C6orf132: variants seen among roughly 807,000 people sequenced by gnomAD.
C6orf132 encodes uncharacterized protein C6orf132.
C6orf132 carries 43 observed loss-of-function variants against 65.3 expected under a neutral mutation model. That is an observed-to-expected ratio of 0.66 (90% CI 0.52 to 0.85). C6orf132 has a LOEUF of 0.85. Ranked by LOEUF, C6orf132 falls within the 40% of genes least tolerant of loss-of-function variation. The probability of loss-of-function intolerance (pLI) is 0.00; values close to 1 mark genes in which losing one functional copy is unlikely to be tolerated. For missense variants in C6orf132, 1,488 were observed against 1,548.8 expected (o/e 0.96, Z 0.66); for synonymous variants, 631 against 654.1 (o/e 0.96, Z 0.54).
In C6orf132 at chr6:42,133,392, C is replaced by T. The variant is rs140031322; in HGVS notation, c.146-4614G>A. Among the ~76,000 whole-genome samples, 465 of 152,316 alleles carry T rather than the reference C, an allele frequency of 3.1e-3. 6 individuals are homozygous for T. Among genetic ancestry groups the T allele is most frequent in the African/African-American group, 0.01 (425 of 41,560 alleles). On this transcript the variant is annotated intron_variant, in intron 1 of 4. Transcript: ENST00000341865. ...TCTGGCTTTTTCTGGAAAAGTCCTT[C>T]GGGATCTCAGAGGTTTTATGCTTGC...
chr6:42,108,109 C>T (rs879440030), intron 3 of C6orf132, among the ~76,000 whole-genome samples: 1 of 152,230 alleles, frequency 6.6e-6, no homozygotes, highest in Admixed American at 6.5e-5. Flanking sequence ...TTACTCAACT[C>T]TCTTCAGTTA....
chr6:42,132,117 G>A (rs574813826), intron 1 of C6orf132, among the ~76,000 whole-genome samples: 2 of 152,204 alleles, frequency 1.3e-5, no homozygotes, highest in Non-Finnish European at 2.9e-5. Flanking sequence ...GACTCTCCTG[G>A]AGCCTCCAGA....
At chr6:42,111,470 G>C (rs1377965667) in intron 2 of C6orf132, among the ~76,000 whole-genome samples, 7 of 152,012 alleles carry the variant, frequency 4.6e-5, no homozygotes, top group Non-Finnish European at 8.8e-5. Context: ...TTTTAGTAGA[G>C]ACGGGGTTTC....
chr6:42,135,628 C>T (rs758266078), intron 1 of C6orf132, among the ~76,000 whole-genome samples: 3 of 152,228 alleles, frequency 2.0e-5, no homozygotes, highest in Non-Finnish European at 4.4e-5. Flanking sequence ...CAGAAAGATT[C>T]TGGGACAGTT....
chr6:42,127,267 G>T (rs934541537), intron 2 of C6orf132, among the ~76,000 whole-genome samples: 1 of 152,170 alleles, frequency 6.6e-6, no homozygotes, highest in East Asian at 1.9e-4. Context: ...GTTGGTGGTG[G>T]TGTTGCACTT....
chr6:42,115,928 C>CTTTTTTTTTTTTTT (rs1273830435), intron 2 of C6orf132, among the ~76,000 whole-genome samples: 1 of 117,580 alleles, frequency 8.5e-6, no homozygotes, highest in South Asian at 3.1e-4. Flanking sequence ...TTTTCTTTTT[C>CTTTTTTTTTTTTTT]TTTTTCTTTT....
intron 1 of C6orf132, among the ~76,000 whole-genome samples, chr6:42,132,800 T>C (rs56343183): frequency 6.7e-6 from 1 of 149,636 alleles, no homozygotes; most frequent in East Asian, 2.0e-4. Flanking sequence ...GAGGTTGTAG[T>C]GAGCTGAGAT....
chr6:42,117,923 C>CAAAAAAAAAAAAAAAAAAAAAAAAAA (rs556142891), intron 2 of C6orf132, among the ~76,000 whole-genome samples: 1 of 62,320 alleles, frequency 1.6e-5, no homozygotes, highest in African/African-American at 6.0e-5. Context: ...AACCCTGTCA[C>CAAAAAAAAAAAAAAAAAAAAAAAAAA]AAAAAAAAAA....
chr6:42,123,592 G>GA (rs551474983), intron 2 of C6orf132, among the ~76,000 whole-genome samples: 1 of 151,352 alleles, frequency 6.6e-6, no homozygotes, highest in African/African-American at 2.4e-5. Flanking sequence ...GAAAGAAGAA[G>GA]AAGAAAGAAG....
chr6:42,129,286 C>G (rs1403029384), intron 1 of C6orf132, among the ~76,000 whole-genome samples: 1 of 152,220 alleles, frequency 6.6e-6, no homozygotes, highest in Non-Finnish European at 1.5e-5. Context: ...CCCTGACCAC[C>G]AAACCACAGA....
Position 42,105,847 on chromosome 6 carries a change from G to A in C6orf132, c.2065C>T (p.Pro689Ser), listed in dbSNP as rs1243728379. ...PTTPLKATSGPAIASTATTLP... is the reference protein window; with the variant it reads ...PTTPLKATSGSAIASTATTLP... ...GTTGTGGCTGTAGATGCTATGGCAGGGCCAGATGTGGCCTTGAGTGGTGTG... is the reference window on the plus strand; with the variant it reads ...GTTGTGGCTGTAGATGCTATGGCAGAGCCAGATGTGGCCTTGAGTGGTGTG... Residue 689 changes from proline to serine, a missense_variant, in exon 4 of 5, where the codon CCT (proline) becomes TCT (serine). Physicochemically the swap from Pro to Ser is moderately conservative, Grantham distance 74 (BLOSUM62 -1). Coordinates refer to ENST00000341865, the MANE Select transcript of C6orf132 (RefSeq NM_001164446.3). 1 of 1,537,300 alleles carries A rather than the reference G, an allele frequency of 6.5e-7. No individual in the cohort carries two copies. Among genetic ancestry groups the A allele is most frequent in the Non-Finnish European group, 8.7e-7 (1 of 1,146,920 alleles).
At chr6:42,115,654 A>G (rs573410337) in intron 2 of C6orf132, among the ~76,000 whole-genome samples, 2 of 152,204 alleles carry the variant, frequency 1.3e-5, no homozygotes, top group African/African-American at 4.8e-5. Context: ...TCAAAAAAAT[A>G]AAATAAATAA....
In C6orf132 at chr6:42,104,991, C is replaced by T. The variant is rs1766368218; in HGVS notation, c.2921G>A (p.Arg974Lys). The T allele has an allele frequency of 2.6e-6, 4 of 1,520,556 alleles. No individual in the cohort carries two copies. The highest frequency in any genetic ancestry group is 1.2e-5 in the South Asian group (1 of 82,594). 94.2% of individuals were successfully genotyped at this position (1,520,556 alleles called of 1,614,324 possible). Residue 974 changes from arginine (R) to lysine (K), a missense_variant, in exon 4 of 5, where the codon AGG becomes AAG. Arg to Lys is a conservative substitution (Grantham distance 26). Transcript: ENST00000341865. This position sits in a 1 kb window ranked among gnomAD's most constrained non-coding sequence, Gnocchi z 4.1. ...GTTGAACTCCTCCTCCTCCTCCTCC[C>T]TCTTGTTCGAAGGAGAAGGTGGGGA... is the stretch of plus-strand genomic sequence containing the variant. Reference protein sequence around the residue: ...FSSPPSPSNKREEEEEEFNFE... With the variant: ...FSSPPSPSNKKEEEEEEFNFE...
chr6:42,119,817 CA>C (rs1766650239), intron 2 of C6orf132, among the ~76,000 whole-genome samples: 1 of 151,146 alleles, frequency 6.6e-6, no homozygotes, highest in Admixed American at 6.6e-5. Context: ...TCACAGTGGC[CA>C]GGGGCGGGTG....
chr6:42,107,344 G>T lies in C6orf132; in HGVS notation c.568C>A (p.Pro190Thr). 1 of 1,219,162 alleles carries T rather than the reference G, an allele frequency of 8.2e-7. No individual in the cohort carries two copies. 75.5% of individuals were successfully genotyped at this position (1,219,162 alleles called of 1,614,324 possible). A position where few individuals can be genotyped will look rare whatever the true frequency, so the allele number is the denominator to read the frequency against. ...PPPPPSMAPP[P>T]PPVLEALSPP... ...GATAGGGCCTCCAATACTGGGGGTG[G>T]AGGTGGGGCCATGCTGGGCGGGGGT... Residue 190 changes from proline (P) to threonine (T), a missense_variant, in exon 4 of 5, where the codon CCA becomes ACA. By Grantham distance (38) the Pro-to-Thr change is conservative. Coordinates refer to ENST00000341865, the MANE Select transcript of C6orf132 (RefSeq NM_001164446.3).
chr6:42,127,886 C>T (rs1201710962), intron 2 of C6orf132, among the ~76,000 whole-genome samples: 1 of 151,742 alleles, frequency 6.6e-6, no homozygotes, highest in East Asian at 1.9e-4. Flanking sequence ...TAAAATAGCC[C>T]ATTAGTATTT....
At chr6:42,140,044 G>T (rs533458445) in intron 1 of C6orf132, among the ~76,000 whole-genome samples, 1 of 152,348 alleles carries the variant, frequency 6.6e-6, no homozygotes, top group East Asian at 1.9e-4. Context: ...GCAGAGCAGG[G>T]AGGACTTCTG....
In C6orf132 at chr6:42,136,438, G is replaced by T. The variant is rs1766942606; in HGVS notation, c.145+5862C>A. Among the ~76,000 whole-genome samples, 4 of 152,162 alleles carry T rather than the reference G, an allele frequency of 2.6e-5. No individual in the cohort carries two copies. In the South Asian group the frequency reaches 8.3e-4, roughly 32 times the overall value. ...GCTACAGATCTAATTGGATTCCTGG[G>T]GCTTAGGAGGATTCGGGCCTTAGCT... On this transcript the variant is annotated intron_variant, in intron 1 of 4. Transcript: ENST00000341865.
At chr6:42,139,679 T>G (rs1289000621) in intron 1 of C6orf132, among the ~76,000 whole-genome samples, 2 of 150,706 alleles carry the variant, frequency 1.3e-5, no homozygotes, top group African/African-American at 4.9e-5. Context: ...TTATGAGGGG[T>G]TTTTTTTTGC....
Sources: allele counts gnomAD v4.1 joint callset (sites outside exome capture counted in the v4.1 genomes callset), GRCh38; gene constraint gnomAD v4.1.1; non-coding constraint Gnocchi (gnomAD v3.1); transcripts MANE v1.5; gene names NCBI Gene and HGNC (gene_info 2026-07-23, HGNC 2026-07-21).